Variants in GRIN2C observed in about 807,000 individuals in gnomAD.
The protein encoded by GRIN2C is glutamate ionotropic receptor NMDA type subunit 2C.
GRIN2C carries 64 observed loss-of-function variants against 77.7 expected under a neutral mutation model. That is an observed-to-expected ratio of 0.82 (90% CI 0.67 to 1.01). GRIN2C has a LOEUF of 1.01. GRIN2C is among the 50% of genes least tolerant of loss of function. GRIN2C has a pLI of 0.00. For missense variants in GRIN2C, 1,549 were observed against 1,486.0 expected (o/e 1.04, Z -0.70); for synonymous variants, 792 against 643.4 (o/e 1.23, Z -3.49).
intron 11 of GRIN2C, among the ~76,000 whole-genome samples, chr17:74,845,086 C>T (rs1244561135): frequency 6.6e-6 from 1 of 151,702 alleles, no homozygotes; most frequent in Non-Finnish European, 1.5e-5. Context: ...CACACCACCA[C>T]ACCTGGCTAA....
rs931296174 is a variant in GRIN2C at position 74,859,747 on chromosome 17, C to G, written c.-19G>C. On this transcript the variant is annotated 5_prime_UTR_variant, in exon 1 of 13. Coordinates refer to ENST00000293190, the MANE Select transcript of GRIN2C (RefSeq NM_000835.6). The surrounding 1 kb of genome is among the most constrained non-coding windows in gnomAD (Gnocchi z 5.9). ...CCCCTCCGCAGCAATCTCTTACACT[C>G]GGGCTGTGAAGTTCGGGGTATTTTT... 6.6e-6 allele frequency: 1 copy of G among 152,592 alleles called. No homozygotes were observed. Among genetic ancestry groups the G allele is most frequent in the East Asian group, 1.9e-4 (1 of 5,174 alleles). 9.5% of individuals were successfully genotyped at this position (152,592 alleles called of 1,614,324 possible). A position where few individuals can be genotyped will look rare whatever the true frequency, so the allele number is the denominator to read the frequency against.
At position 74,847,644 on chromosome 17, in the gene GRIN2C, G is replaced by C. The variant is rs899023248; in HGVS notation, c.1772-107C>G. 6 of 941,618 alleles carry C rather than the reference G, an allele frequency of 6.4e-6. No individual in the cohort carries two copies. Among genetic ancestry groups the C allele is most frequent in the South Asian group, 1.5e-5 (1 of 68,336 alleles). 58.3% of individuals were successfully genotyped at this position (941,618 alleles called of 1,614,324 possible). On this transcript the variant is annotated intron_variant, in intron 8 of 12. Transcript: ENST00000293190. This position sits in a 1 kb window ranked among gnomAD's most constrained non-coding sequence, Gnocchi z 5.2. ...AGCTCCGGTCTCAGCCTGGCCTTGGGGGGGACGCGTCCTGGCCATTCCCTC... is the reference window on the plus strand; with the variant it reads ...AGCTCCGGTCTCAGCCTGGCCTTGGCGGGGACGCGTCCTGGCCATTCCCTC...
chr17:74,846,993 C>T lies in GRIN2C; in HGVS notation c.2002-73G>A. 1 of 1,493,882 alleles carries T rather than the reference C, an allele frequency of 6.7e-7. No homozygotes were observed. The highest frequency in any genetic ancestry group is 1.4e-5 in the African/African-American group (1 of 72,922). The allele number at this position is 1,493,882 out of a possible 1,614,324, so 92.5% of individuals were successfully genotyped here. A position where few individuals can be genotyped will look rare whatever the true frequency, so the allele number is the denominator to read the frequency against. ...CAGGCACCAAAGCCCCAAACCCACC[C>T]CAGAGCCCAGCCCCAGTGTGGACTT... On this transcript the variant is annotated intron_variant, in intron 9 of 12. Coordinates refer to ENST00000293190, the MANE Select transcript of GRIN2C (RefSeq NM_000835.6). The surrounding 1 kb of genome is among the most constrained non-coding windows in gnomAD (Gnocchi z 4.4).
chr17:74,843,447 A>G lies in GRIN2C; in HGVS notation c.2690T>C (p.Leu897Pro). ...SSAQASVLKM[L>P]QAARDMVTTA... is the part of the protein sequence containing the mutation. ...GGTCACCATGTCGCGGGCTGCCTGC[A>G]GCATCTTGAGCACGCTGGCCTGGGC... Residue 897 changes from leucine (L) to proline (P), a missense_variant, in exon 13 of 13, where the codon CTG becomes CCG. This residue lies in a region of GRIN2C where 450 missense variants were observed against 267.9 expected (regional missense o/e 1.68). Transcript: ENST00000293190. 7.2e-6 allele frequency: 11 copies of G among 1,535,428 alleles called. No individual in the cohort carries two copies. Among genetic ancestry groups the G allele is most frequent in the Non-Finnish European group, 9.6e-6 (11 of 1,146,268 alleles).
intron 1 of GRIN2C, among the ~76,000 whole-genome samples, chr17:74,858,191 C>T (rs2037865530): frequency 6.6e-6 from 1 of 152,132 alleles, no homozygotes; most frequent in Non-Finnish European, 1.5e-5. Context: ...AAGACCTTTT[C>T]TTAGCCAAGG....
Position 74,843,125 on chromosome 17 carries a change from C to T in GRIN2C, c.3012G>A (p.Trp1004Ter). ...TCCCGCAGTGCCCGGTCCGCACCGG[C>T]CACCGCGCCTCCCAGGCTGGGCGGC... is the stretch of plus-strand genomic sequence containing the variant. ...VSRRPAWEAR[W>*]PVRTGHCGRH... The change falls in exon 13 of 13, where the codon TGG becomes TGA. Residue 1004 changes from tryptophan (W) to a stop codon, truncating the protein, a stop_gained. Transcript: ENST00000293190. LOFTEE classifies it low-confidence loss of function (END_TRUNC). The T allele has an allele frequency of 2.4e-6, 1 of 423,682 alleles. No homozygotes were observed. The allele number at this position is 423,682 out of a possible 1,614,324, so 26.2% of individuals were successfully genotyped here. A position where few individuals can be genotyped will look rare whatever the true frequency, so the allele number is the denominator to read the frequency against.
intron 1 of GRIN2C, among the ~76,000 whole-genome samples, chr17:74,858,983 G>A (rs979835073): frequency 7.2e-5 from 11 of 152,118 alleles, no homozygotes; most frequent in Non-Finnish European, 1.6e-4. Context: ...CTGCGGCCAG[G>A]CTGGGGCACC....
intron 1 of GRIN2C, among the ~76,000 whole-genome samples, chr17:74,858,573 C>T (rs2037877939): frequency 6.6e-6 from 1 of 150,826 alleles, no homozygotes; most frequent in Admixed American, 6.6e-5. Context: ...TCCACTTTCC[C>T]CCGCCACAAT....
In GRIN2C at chr17:74,852,001, G is replaced by C; in HGVS notation, c.998+12C>G. ...CCACCTCCCTACCCCTATGCCCCGGGCAGGTGCCCACCTGTAGAAGGCCTC... is the reference window on the plus strand; with the variant it reads ...CCACCTCCCTACCCCTATGCCCCGGCCAGGTGCCCACCTGTAGAAGGCCTC... On this transcript the variant is annotated intron_variant, in intron 3 of 12. Coordinates refer to ENST00000293190, the MANE Select transcript of GRIN2C (RefSeq NM_000835.6). 1.4e-6 allele frequency: 2 copies of C among 1,467,104 alleles called. No individual in the cohort carries two copies. Among genetic ancestry groups the C allele is most frequent in the Non-Finnish European group, 1.8e-6 (2 of 1,107,078 alleles). 90.9% of individuals were successfully genotyped at this position (1,467,104 alleles called of 1,614,324 possible).
At chr17:74,860,818 C>A (rs936163606), upstream of GRIN2C, 2 of 301,182 alleles carry the variant, frequency 6.6e-6, no homozygotes, top group Non-Finnish European at 1.3e-5. Flanking sequence ...TGGGGCAGAG[C>A]TGGAAGGGGA....
rs1213476221 is a variant in GRIN2C, at chr17:74,846,678, C to CA, written c.2162+81dup. 7.0e-7 allele frequency: 1 copy of CA among 1,431,432 alleles called. No homozygotes were observed. Among genetic ancestry groups the CA allele is most frequent in the Non-Finnish European group, 9.7e-7 (1 of 1,035,618 alleles). 88.7% of individuals were successfully genotyped at this position (1,431,432 alleles called of 1,614,324 possible). A position where few individuals can be genotyped will look rare whatever the true frequency, so the allele number is the denominator to read the frequency against. The stretch of plus-strand genomic sequence containing the variant: ...GGAGTCCTGCAGGACAGCCCAGTCC[C>CA]ACTGTCCCCACATTGAGAGCTAAGG... On this transcript the variant is annotated intron_variant, in intron 10 of 12. Transcript: ENST00000293190. The surrounding 1 kb of genome is among the most constrained non-coding windows in gnomAD (Gnocchi z 4.4).
Position 74,850,136 on chromosome 17 carries a change from A to T in GRIN2C, c.1491+70T>A. The T allele has an allele frequency of 6.4e-7, 1 of 1,552,546 alleles. No individual in the cohort carries two copies. Among genetic ancestry groups the T allele is most frequent in the Non-Finnish European group, 8.8e-7 (1 of 1,132,160 alleles). ...CATGCCCCCCTCTAGAGGGCATCTG[A>T]GAGCCACATGGGGCCTGGGCAGCAG... On this transcript the variant is annotated intron_variant, in intron 6 of 12. Transcript: ENST00000293190. This position sits in a 1 kb window ranked among gnomAD's most constrained non-coding sequence, Gnocchi z 5.3.
Position 74,846,747 on chromosome 17 carries a change from G to A in GRIN2C, c.2162+13C>T, listed in dbSNP as rs1256338474. 5.0e-6 allele frequency: 8 copies of A among 1,611,738 alleles called. No individual in the cohort carries two copies. Among genetic ancestry groups the A allele is most frequent in the Non-Finnish European group, 5.1e-6 (6 of 1,178,738 alleles). ...CACGGATGAAGACAGCGGGTGCAGG[G>A]CTGGGGACCCACCCCATCTTGAGGC... is the stretch of plus-strand genomic sequence containing the variant. On this transcript the variant is annotated intron_variant, in intron 10 of 12. Coordinates refer to ENST00000293190, the MANE Select transcript of GRIN2C (RefSeq NM_000835.6). The surrounding 1 kb of genome is among the most constrained non-coding windows in gnomAD (Gnocchi z 4.4).
Position 74,842,093 on chromosome 17 carries a change from C to A in GRIN2C, c.*342G>T. 1 of 287,964 alleles carries A rather than the reference C, an allele frequency of 3.5e-6. No individual in the cohort carries two copies. The highest frequency in any genetic ancestry group is 6.5e-6 in the Non-Finnish European group (1 of 153,992). The allele number at this position is 287,964 out of a possible 1,614,324, so 17.8% of individuals were successfully genotyped here. A position where few individuals can be genotyped will look rare whatever the true frequency, so the allele number is the denominator to read the frequency against. ...AACTCTAGCCAGGTAGAGCAAGGAT[C>A]GGGATGGCCCTGCCTCAACCACAAG... On this transcript the variant is annotated 3_prime_UTR_variant, in exon 13 of 13. Transcript: ENST00000293190.
Position 74,849,918 on chromosome 17 carries a change from C to T in GRIN2C, c.1507G>A (p.Ala503Thr). The stretch of plus-strand genomic sequence containing the variant: ...GTGAGGGAGCCGATGGCCATGTCTG[C>T]CCGCTTGTAGTACACCTGGGGGCCG... ...GMIGEVYYKRADMAIGSLTIN... is the reference protein window; with the variant it reads ...GMIGEVYYKRTDMAIGSLTIN... Residue 503 changes from alanine to threonine, a missense_variant, in exon 7 of 13, where the codon GCA becomes ACA. Ala to Thr is a moderately conservative substitution (Grantham distance 58, BLOSUM62 0). This residue lies in a region of GRIN2C where 717 missense variants were observed against 858.1 expected (regional missense o/e 0.84). Transcript: ENST00000293190. This position sits in a 1 kb window ranked among gnomAD's most constrained non-coding sequence, Gnocchi z 4.6. 2 of 1,613,124 alleles carry T rather than the reference C, an allele frequency of 1.2e-6. No homozygotes were observed. The highest frequency in any genetic ancestry group is 1.1e-5 in the South Asian group (1 of 90,992).
chr17:74,852,270 C>T lies in GRIN2C; in HGVS notation c.741G>A (p.Gly247=). The change falls in exon 3 of 13, where the codon GGG becomes GGA. Residue 247 remains glycine (G), a synonymous_variant. Coordinates refer to ENST00000293190, the MANE Select transcript of GRIN2C (RefSeq NM_000835.6). ...FAEAAQAGLV[G]PGHVWLVPNL... is the part of the protein sequence containing the mutation. ...TGGGCACCAGCCACACGTGGCCGGG[C>T]CCCACCAGACCGGCCTGCGCCGCCT... 7.1e-7 allele frequency: 1 copy of T among 1,406,744 alleles called. No homozygotes were observed. Among genetic ancestry groups the T allele is most frequent in the South Asian group, 1.5e-5 (1 of 66,436 alleles). 87.1% of individuals were successfully genotyped at this position (1,406,744 alleles called of 1,614,324 possible).
intron 2 of GRIN2C, 142 bp from the exon 3 acceptor site, chr17:74,852,753 C>A: frequency 2.1e-6 from 1 of 477,924 alleles, no homozygotes; most frequent in Non-Finnish European, 3.6e-6. Flanking sequence ...TGGCCTGCGC[C>A]TCCCTCCCGC....
At chr17:74,843,814 G>GA (rs1159093071) in intron 12 of GRIN2C, among the ~76,000 whole-genome samples, 2 of 151,692 alleles carry the variant, frequency 1.3e-5, no homozygotes, top group African/African-American at 4.8e-5. Context: ...CTGTGGGGGG[G>GA]ACTCTGACCC....
At position 74,849,120 on chromosome 17, in the gene GRIN2C, GT is replaced by G. The variant is rs200525671; in HGVS notation, c.1645+659del. ...TGAGCACTTGCTATGCTATGAAGTG[GT>G]TTTTTTTTTCCTCTCTTCCGTGGCT... is the stretch of plus-strand genomic sequence containing the variant. On this transcript the variant is annotated intron_variant, in intron 7 of 12. Transcript: ENST00000293190. This position sits in a 1 kb window ranked among gnomAD's most constrained non-coding sequence, Gnocchi z 4.6. Among the ~76,000 whole-genome samples the G allele has an allele frequency of 3.1e-3, 461 of 148,494 alleles. 4 individuals are homozygous for G. The highest frequency in any genetic ancestry group is 0.011 in the African/African-American group (435 of 40,764).
Sources: allele counts gnomAD v4.1 joint callset (sites outside exome capture counted in the v4.1 genomes callset), GRCh38; gene constraint gnomAD v4.1.1; regional missense constraint gnomAD v4.1.1; non-coding constraint Gnocchi (gnomAD v3.1); transcripts MANE v1.5; gene names NCBI Gene and HGNC (gene_info 2026-07-23, HGNC 2026-07-21).